Variants in GYS1 observed in about 807,000 individuals in gnomAD.
The protein encoded by GYS1 is glycogen synthase 1, also known as glycogen [starch] synthase, muscle.
A neutral mutation model predicts 89.1 loss-of-function variants in GYS1; 60 were observed. That is an observed-to-expected ratio of 0.67 (90% CI 0.55 to 0.84). The LOEUF (loss-of-function observed/expected upper bound fraction) is 0.84. GYS1 is among the 40% of genes least tolerant of loss of function. The pLI, the probability that GYS1 is intolerant of heterozygous loss-of-function variation, is 0.00. For missense variants in GYS1, 888 were observed against 1,003.1 expected (o/e 0.89, Z 1.55); for synonymous variants, 366 against 401.7 (o/e 0.91, Z 1.06).
chr19:48,969,283 C>G lies in GYS1; in HGVS notation c.*5G>C. On this transcript the variant is annotated 3_prime_UTR_variant, in exon 16 of 16. Coordinates refer to ENST00000323798, the MANE Select transcript of GYS1 (RefSeq NM_002103.5). ...AGGACAGGCGGGGAGTGTGGTGGGGCGGACTTAGTTACGCTCCTCGCCCAG... is the reference window on the plus strand; with the variant it reads ...AGGACAGGCGGGGAGTGTGGTGGGGGGGACTTAGTTACGCTCCTCGCCCAG... 1 of 1,538,028 alleles carries G rather than the reference C, an allele frequency of 6.5e-7. No individual in the cohort carries two copies.
At chr19:48,980,874 G>A (rs1485186390) in intron 8 of GYS1, among the ~76,000 whole-genome samples, 1 of 151,660 alleles carries the variant, frequency 6.6e-6, no homozygotes, top group African/African-American at 2.4e-5. Flanking sequence ...CAGCACTTTG[G>A]GAGGCTGAGG....
At position 48,969,119 on chromosome 19, in the gene GYS1, G is replaced by T. The variant is rs2038508042; in HGVS notation, c.*169C>A. 2 of 651,240 alleles carry T rather than the reference G, an allele frequency of 3.1e-6. No homozygotes were observed. Among genetic ancestry groups the T allele is most frequent in the African/African-American group, 3.6e-5 (2 of 54,900 alleles). The allele number at this position is 651,240 out of a possible 1,614,324, so 40.3% of individuals were successfully genotyped here. ...CGGCTTTGTGGATTCTGGAGTGCAG[G>T]AACTTGGAAACTGGAGCTGGAGGGG... is the stretch of plus-strand genomic sequence containing the variant. On this transcript the variant is annotated 3_prime_UTR_variant, in exon 16 of 16. Coordinates refer to ENST00000323798, the MANE Select transcript of GYS1 (RefSeq NM_002103.5).
intron 8 of GYS1, among the ~76,000 whole-genome samples, chr19:48,980,277 C>G (rs1329440728): frequency 6.6e-6 from 1 of 152,208 alleles, no homozygotes; most frequent in African/African-American, 2.4e-5. Flanking sequence ...CCTGTCCTGA[C>G]AACCCCGTCT....
At chr19:48,978,517 G>A (rs146539168) in intron 8 of GYS1, among the ~76,000 whole-genome samples, 1 of 143,256 alleles carries the variant, frequency 7.0e-6, no homozygotes. Context: ...GAGCCACTGT[G>A]CCCAGCAGTT....
In GYS1 at chr19:48,969,209, G is replaced by A. The variant is rs1220786219; in HGVS notation, c.*79C>T. On this transcript the variant is annotated 3_prime_UTR_variant, in exon 16 of 16. Transcript: ENST00000323798. ...CACACCCAGTGCAGATCTGGAGCGG[G>A]GGTTTAGGAGCAGCACCCCTCTGCA... The A allele has an allele frequency of 3.1e-6, 4 of 1,305,586 alleles. No individual in the cohort carries two copies. Among genetic ancestry groups the A allele is most frequent in the African/African-American group, 2.9e-5 (2 of 68,754 alleles). The allele number at this position is 1,305,586 out of a possible 1,614,324, so 80.9% of individuals were successfully genotyped here. A position where few individuals can be genotyped will look rare whatever the true frequency, so the allele number is the denominator to read the frequency against.
chr19:48,989,007 G>A (rs1175665726), intron 2 of GYS1, among the ~76,000 whole-genome samples: 2 of 151,874 alleles, frequency 1.3e-5, no homozygotes, highest in Non-Finnish European at 2.9e-5. Context: ...TCTATCCATA[G>A]GCCCATTTTG....
At chr19:48,974,074 G>A (rs1385024150) in intron 12 of GYS1, 139 bp downstream of exon 12, 4 of 907,854 alleles carry the variant, frequency 4.4e-6, no homozygotes, top group Admixed American at 2.1e-5. Context: ...AGCACGCGCT[G>A]TAGCAGAACA....
At chr19:48,974,114 G>T in intron 12 of GYS1, 99 bp downstream of exon 12, 1 of 1,304,130 alleles carries the variant, frequency 7.7e-7, no homozygotes, top group South Asian at 1.3e-5. Context: ...GTTTTGCAAA[G>T]AAGGCAACAG....
intron 5 of GYS1, among the ~76,000 whole-genome samples, chr19:48,984,944 G>A (rs968639345): frequency 1.3e-5 from 2 of 151,924 alleles, no homozygotes; most frequent in African/African-American, 4.9e-5. Context: ...TTGCCCAGTC[G>A]TAGGCTAACA....
chr19:48,988,209 C>G (rs1366198868), intron 2 of GYS1, among the ~76,000 whole-genome samples: 2 of 152,230 alleles, frequency 1.3e-5, no homozygotes, highest in Non-Finnish European at 2.9e-5. Context: ...ACTGCCCTGT[C>G]TGGCCACTCT....
chr19:48,981,117 TAAA>T (rs202146011), intron 8 of GYS1, among the ~76,000 whole-genome samples: 2 of 128,440 alleles, frequency 1.6e-5, no homozygotes, highest in Non-Finnish European at 3.3e-5. Flanking sequence ...CATCTCAAAA[TAAA>T]AAAAAAAAAG....
rs771977818 is a variant in GYS1 at position 48,985,876 on chromosome 19, C to G, written c.652G>C (p.Val218Leu). The G allele has an allele frequency of 4.3e-6, 7 of 1,613,624 alleles. No individual in the cohort carries two copies. Among genetic ancestry groups the G allele is most frequent in the Non-Finnish European group, 5.9e-6 (7 of 1,180,034 alleles). The part of the protein sequence containing the change: ...LLGRYLCAGA[V>L]DFYNNLENFN... ...TTCTCCAGGTTGTTGTAGAAGTCCA[C>G]GGCACCGGCACACAGGTAGCGCCCC... The change falls in exon 4 of 16, where the codon GTG becomes CTG. Residue 218 changes from valine (V) to leucine (L), a missense_variant. By Grantham distance (32) the Val-to-Leu change is conservative. Coordinates refer to ENST00000323798, the MANE Select transcript of GYS1 (RefSeq NM_002103.5).
At chr19:48,984,408 T>G (rs8110855) in intron 5 of GYS1, among the ~76,000 whole-genome samples, 1 of 145,374 alleles carries the variant, frequency 6.9e-6, no homozygotes, top group East Asian at 2.0e-4. Flanking sequence ...TTTTTTTTAA[T>G]TTTTTGAGAT....
chr19:48,968,218 A>G lies in GYS1; in HGVS notation c.*1070T>C, dbSNP rs1436875707. ...GCCCTCCCCTCTCAACTGCAAACCAAGCGGTGCAGACACAGCACAGCACAC... is the reference window on the plus strand; with the variant it reads ...GCCCTCCCCTCTCAACTGCAAACCAGGCGGTGCAGACACAGCACAGCACAC... On this transcript the variant is annotated 3_prime_UTR_variant, in exon 16 of 16. Transcript: ENST00000323798. 2.2e-5 allele frequency: 10 copies of G among 454,046 alleles called. No homozygotes were observed. The highest frequency in any genetic ancestry group is 1.4e-4 in the Admixed American group (6 of 42,546). The allele number at this position is 454,046 out of a possible 1,614,324, so 28.1% of individuals were successfully genotyped here.
chr19:48,974,148 C>A (rs1600134280), intron 12 of GYS1, 65 bp downstream of exon 12: 1 of 1,528,134 alleles, frequency 6.5e-7, no homozygotes, highest in South Asian at 1.2e-5. Context: ...CAGTGCCTCG[C>A]CCCAAGACAT....
intron 2 of GYS1, among the ~76,000 whole-genome samples, chr19:48,989,454 A>T (rs947135876): frequency 6.8e-6 from 1 of 147,788 alleles, no homozygotes; most frequent in Non-Finnish European, 1.5e-5. Flanking sequence ...TGCACTCCAG[A>T]CTCAGCGACA....
intron 10 of GYS1, 78 bp downstream of exon 10, chr19:48,977,846 G>T: frequency 9.7e-7 from 1 of 1,032,266 alleles, no homozygotes; most frequent in East Asian, 2.4e-5. Context: ...GCAATCTCTG[G>T]GGTCTGAGCT....
At chr19:48,983,591 G>A (rs186676220) in intron 5 of GYS1, among the ~76,000 whole-genome samples, 31 of 152,166 alleles carry the variant, frequency 2.0e-4, no homozygotes, top group African/African-American at 5.8e-4. Flanking sequence ...GTATATCAAC[G>A]AAAAACTACA....
chr19:48,976,422 G>A (rs1371985471), intron 10 of GYS1, among the ~76,000 whole-genome samples: 1 of 151,864 alleles, frequency 6.6e-6, no homozygotes, highest in Non-Finnish European at 1.5e-5. Flanking sequence ...TAGTTTTTTG[G>A]GCCCCTAGAC....
Sources: allele counts gnomAD v4.1 joint callset (sites outside exome capture counted in the v4.1 genomes callset), GRCh38; gene constraint gnomAD v4.1.1; transcripts MANE v1.5; gene names NCBI Gene and HGNC (gene_info 2026-07-23, HGNC 2026-07-21).